DEK: variants seen among roughly 807,000 people sequenced by gnomAD.
DEK encodes DEK proto-oncogene, also known as protein DEK.
Under a neutral mutation model 46.8 loss-of-function variants are expected in DEK, and 28 were observed. The observed-to-expected ratio is 0.60, with a 90% CI of 0.44 to 0.82. The LOEUF (loss-of-function observed/expected upper bound fraction) is 0.82, where lower values mean the gene tolerates loss of function less well. Among genes scored for constraint, DEK ranks in the 40% least tolerant of loss-of-function variants. The probability of loss-of-function intolerance (pLI) is 0.00; values close to 1 mark genes in which losing one functional copy is unlikely to be tolerated. For missense variants in DEK, 416 were observed against 430.6 expected (o/e 0.97, Z 0.30); for synonymous variants, 160 against 144.5 (o/e 1.11, Z -0.77).
chr6:18,258,183 A>C lies in DEK; in HGVS notation c.247+121T>G, dbSNP rs139290947. On this transcript the variant is annotated intron_variant, in intron 3 of 10. Transcript: ENST00000652689. The stretch of plus-strand genomic sequence containing the variant: ...ATGTAACTCTGCTCTTACAGAGCAA[A>C]TTAAATAAAATTATACCAAAAGTAT... The C allele has an allele frequency of 9.0e-5, 97 of 1,081,772 alleles. 1 individual carries two copies. The African/African-American group carries it at 1.2e-3, about 14-fold the overall frequency. The allele number at this position is 1,081,772 out of a possible 1,614,324, so 67.0% of individuals were successfully genotyped here. A position where few individuals can be genotyped will look rare whatever the true frequency, so the allele number is the denominator to read the frequency against.
At chr6:18,226,354 C>A in intron 9 of DEK, 112 bp from the exon 10 acceptor site, 1 of 880,502 alleles carries the variant, frequency 1.1e-6, no homozygotes, top group Middle Eastern at 2.6e-4. Flanking sequence ...ACAACCATCC[C>A]AACAGTACTC....
chr6:18,227,558 G>A (rs867120609), intron 9 of DEK, among the ~76,000 whole-genome samples: 39 of 151,746 alleles, frequency 2.6e-4, no homozygotes, highest in South Asian at 2.1e-4. Flanking sequence ...GAAGCCGGCC[G>A]GATCCTCCGT....
At chr6:18,232,172 T>C (rs1263278259) in intron 9 of DEK, among the ~76,000 whole-genome samples, 1 of 152,208 alleles carries the variant, frequency 6.6e-6, no homozygotes, top group Non-Finnish European at 1.5e-5. Flanking sequence ...CAGCCCTTCA[T>C]GCTAAAAACT....
At chr6:18,254,715 T>C (rs928339552) in intron 6 of DEK, among the ~76,000 whole-genome samples, 1 of 152,176 alleles carries the variant, frequency 6.6e-6, no homozygotes, top group African/African-American at 2.4e-5. Context: ...GAGGAAATAG[T>C]GATCACCTTG....
In DEK at chr6:18,236,512, T is replaced by C. The variant is rs778323884; in HGVS notation, c.987A>G (p.Ile329Met). The C allele has an allele frequency of 6.2e-7, 1 of 1,606,834 alleles. No homozygotes were observed. Among genetic ancestry groups the C allele is most frequent in the Admixed American group, 1.7e-5 (1 of 58,236 alleles). Residue 329 changes from isoleucine (I) to methionine (M), a missense_variant, in exon 9 of 11, where the codon ATA (isoleucine) becomes ATG (methionine). Ile to Met is a conservative substitution (Grantham distance 10, BLOSUM62 1). Coordinates refer to ENST00000652689, the MANE Select transcript of DEK (RefSeq NM_003472.4). Reference sequence around the variant, plus strand: ...AGTTAGCACTGGCCAGTAATTTCTTTATTGTTTCCTTTAACTCTTCATCTG... The same window carrying C: ...AGTTAGCACTGGCCAGTAATTTCTTCATTGTTTCCTTTAACTCTTCATCTG... The part of the protein sequence containing the change: ...PPTDEELKET[I>M]KKLLASANLE...
intron 7 of DEK, among the ~76,000 whole-genome samples, chr6:18,237,860 CTTTTTTTTTTTTTT>C (rs60332682): frequency 9.8e-4 from 87 of 88,508 alleles, no homozygotes; most frequent in African/African-American, 3.9e-3. Context: ...CAACTGGAAT[CTTTTTTTTTTTTTT>C]TTTTTTTTTT....
At chr6:18,263,659 ACAAAGTCAATTCTACGCCATCGCT>A (rs1357850702) in intron 2 of DEK, among the ~76,000 whole-genome samples, 160 bp downstream of exon 2, 1 of 152,244 alleles carries the variant, frequency 6.6e-6, no homozygotes, top group African/African-American at 2.4e-5. Flanking sequence ...ACCGGAATAC[ACAAAGTCAATTCTACGCCATCGCT>A]CAAAACAAAA....
intron 2 of DEK, among the ~76,000 whole-genome samples, chr6:18,261,072 C>T (rs1791841113): frequency 6.6e-6 from 1 of 151,896 alleles, no homozygotes; most frequent in Non-Finnish European, 1.5e-5. Flanking sequence ...CTAGATTCAC[C>T]ACCAAGGCTC....
rs538939062 is a variant in DEK at position 18,226,300 on chromosome 6, T to C, written c.1048-58A>G. 41 of 1,260,658 alleles carry C rather than the reference T, an allele frequency of 3.3e-5. 1 individual carries two copies. The Admixed American group carries it at 4.4e-4, about 14-fold the overall frequency. 78.1% of individuals were successfully genotyped at this position (1,260,658 alleles called of 1,614,324 possible). A position where few individuals can be genotyped will look rare whatever the true frequency, so the allele number is the denominator to read the frequency against. On this transcript the variant is annotated intron_variant, in intron 9 of 10. Coordinates refer to ENST00000652689, the MANE Select transcript of DEK (RefSeq NM_003472.4). ...AAGCAGATTTTAAAATCCAGTAATA[T>C]TGTCTTTGAATAAAAGCAGGAAATC...
chr6:18,262,099 C>T (rs913567754), intron 2 of DEK, among the ~76,000 whole-genome samples: 8 of 152,072 alleles, frequency 5.3e-5, no homozygotes, highest in Admixed American at 2.0e-4. Flanking sequence ...TGGCACCTCC[C>T]TCTACAACTT....
At position 18,236,495 on chromosome 6, in the gene DEK, C is replaced by T; in HGVS notation, c.1004G>A (p.Ser335Asn). 2 of 1,609,652 alleles carry T rather than the reference C, an allele frequency of 1.2e-6. No individual in the cohort carries two copies. The highest frequency in any genetic ancestry group is 2.2e-5 in the South Asian group (2 of 90,228). ...CATTGTGACTTCTTCCAAGTTAGCA[C>T]TGGCCAGTAATTTCTTTATTGTTTC... ...LKETIKKLLA[S>N]ANLEEVTMKQ... Residue 335 changes from serine to asparagine, a missense_variant, in exon 9 of 11, where the codon AGT becomes AAT. Physicochemically the swap from Ser to Asn is conservative, Grantham distance 46 (BLOSUM62 1). Transcript: ENST00000652689.
intron 7 of DEK, among the ~76,000 whole-genome samples, chr6:18,245,777 C>T (rs72840629): frequency 0.15 from 23,441 of 152,234 alleles, 2,141 homozygotes; most frequent in Non-Finnish European, 0.22. Flanking sequence ...CTCATTGATA[C>T]GGTTTGGCTC....
At chr6:18,260,985 C>CAAA (rs780634683) in intron 2 of DEK, among the ~76,000 whole-genome samples, 32 of 78,016 alleles carry the variant, frequency 4.1e-4, no homozygotes, top group African/African-American at 8.6e-4. Flanking sequence ...ACCTTGTCTC[C>CAAA]AAAAAAAAAA....
chr6:18,244,527 G>A (rs1344385315), intron 7 of DEK: 2 of 1,288,948 alleles, frequency 1.6e-6, no homozygotes, highest in Non-Finnish European at 1.0e-6. Context: ...ATAGGCAGCA[G>A]GGCTCTTGAA....
At chr6:18,261,298 C>A (rs114592070) in intron 2 of DEK, among the ~76,000 whole-genome samples, 1,846 of 152,288 alleles carry the variant, frequency 0.012, 24 homozygotes, top group African/African-American at 0.038. Flanking sequence ...GTAGGCCGGG[C>A]GCAGTGGCTT....
intron 4 of DEK, among the ~76,000 whole-genome samples, chr6:18,256,749 T>C (rs912284615): frequency 1.3e-5 from 2 of 152,206 alleles, no homozygotes; most frequent in African/African-American, 4.8e-5. Flanking sequence ...AACCAAAAGT[T>C]ACCTGACAGT....
At chr6:18,236,365 G>T in intron 9 of DEK, 87 bp downstream of exon 9, 1 of 1,388,914 alleles carries the variant, frequency 7.2e-7, no homozygotes, top group Non-Finnish European at 9.9e-7. Context: ...ATAAGTGAAT[G>T]CACGTAAGTA....
intron 4 of DEK, among the ~76,000 whole-genome samples, chr6:18,256,942 A>G (rs1791621052): frequency 6.6e-6 from 1 of 152,226 alleles, no homozygotes; most frequent in Non-Finnish European, 1.5e-5. Context: ...AATTGGTTTA[A>G]GGATTAAATG....
intron 7 of DEK, chr6:18,244,566 C>G: frequency 7.8e-7 from 1 of 1,289,186 alleles, no homozygotes; most frequent in Non-Finnish European, 1.0e-6. Flanking sequence ...ACGCCTGTCA[C>G]AGAGCCAGAA....
Sources: gnomAD v4.1 joint callset for allele counts (sites outside exome capture counted in the v4.1 genomes callset) on GRCh38, gnomAD v4.1.1 for gene constraint, MANE v1.5 for transcripts, NCBI Gene and HGNC (gene_info 2026-07-23, HGNC 2026-07-21) for gene names.